Variants in TTC17 observed in about 807,000 individuals in gnomAD.
TTC17 encodes the protein tetratricopeptide repeat domain 17.
In TTC17, 58 loss-of-function variants were observed where a neutral mutation model predicts 143.8. The ratio of observed to expected loss-of-function variants is 0.40; its 90% confidence interval spans 0.33 to 0.50. The LOEUF (loss-of-function observed/expected upper bound fraction) is 0.50. Among genes scored for constraint, TTC17 ranks in the 20% least tolerant of loss-of-function variants. The probability of loss-of-function intolerance (pLI) is 0.49; values close to 1 mark genes in which losing one functional copy is unlikely to be tolerated. For missense variants in TTC17, 1,273 were observed against 1,392.5 expected (o/e 0.91, Z 1.37); for synonymous variants, 501 against 497.8 (o/e 1.01, Z -0.09).
intron 1 of TTC17, among the ~76,000 whole-genome samples, chr11:43,367,001 T>C (rs1454221996): frequency 6.6e-6 from 1 of 152,250 alleles, no homozygotes. Flanking sequence ...AGCTGTTCTA[T>C]GTGCTTCCAT....
At chr11:43,417,364 C>T (rs1222446163) in intron 16 of TTC17, among the ~76,000 whole-genome samples, 4 of 151,798 alleles carry the variant, frequency 2.6e-5, no homozygotes, top group South Asian at 2.1e-4. Flanking sequence ...TTCTGTTTGC[C>T]GTTTCCTTTT....
At chr11:43,421,872 C>G (rs750433843) in intron 16 of TTC17, among the ~76,000 whole-genome samples, 21 of 102,816 alleles carry the variant, frequency 2.0e-4, no homozygotes, top group Admixed American at 1.2e-3. Context: ...GAAAAGTTGT[C>G]TTCTACGAAA....
In TTC17 at chr11:43,358,940, G is replaced by A. The variant is rs773089565; in HGVS notation, c.-15G>A. 6 of 1,565,270 alleles carry A rather than the reference G, an allele frequency of 3.8e-6. No individual in the cohort carries two copies. The highest frequency in any genetic ancestry group is 1.8e-5 in the Admixed American group (1 of 54,778). On this transcript the variant is annotated 5_prime_UTR_variant, in exon 1 of 24. Transcript: ENST00000039989. ...CTTCCGCTTCCGGTGTGAGCGGCCC[G>A]GCCGGGGGGGCAAGATGGCGGCGGC...
chr11:43,361,706 T>C (rs565698309), intron 1 of TTC17, among the ~76,000 whole-genome samples: 3 of 152,350 alleles, frequency 2.0e-5, no homozygotes, highest in African/African-American at 7.2e-5. Context: ...GTATACTTTG[T>C]CCTGACATAC....
In TTC17 at chr11:43,493,964, GAAACC is replaced by G; in HGVS notation, c.*63_*67del. On this transcript the variant is annotated 3_prime_UTR_variant, in exon 24 of 24. Transcript: ENST00000039989. ...GCTCTAAAAAAAAAGAATAAGAAAA[GAAACC>G]AATCATTGTCAGTATCTACTATTAA... is the stretch of plus-strand genomic sequence containing the variant. The G allele has an allele frequency of 6.6e-7, 1 of 1,508,156 alleles. No homozygotes were observed. The highest frequency in any genetic ancestry group is 8.9e-7 in the Non-Finnish European group (1 of 1,127,740). The allele number at this position is 1,508,156 out of a possible 1,614,324, so 93.4% of individuals were successfully genotyped here.
At chr11:43,389,919 T>G in intron 3 of TTC17, 98 bp downstream of exon 3, 1 of 1,127,292 alleles carries the variant, frequency 8.9e-7, no homozygotes, top group Non-Finnish European at 1.3e-6. Context: ...TAAGCTTCAA[T>G]CACAGATGAG....
At chr11:43,412,063 A>G (rs888541786) in intron 15 of TTC17, among the ~76,000 whole-genome samples, 4 of 152,270 alleles carry the variant, frequency 2.6e-5, no homozygotes, top group Admixed American at 6.5e-5. Context: ...ACAAGCAAAT[A>G]TAAAAACACT....
At chr11:43,380,654 C>T (rs1156352503) in intron 2 of TTC17, among the ~76,000 whole-genome samples, 4 of 152,180 alleles carry the variant, frequency 2.6e-5, no homozygotes, top group African/African-American at 9.7e-5. Context: ...TATCAACATA[C>T]ATATGTCTAC....
At chr11:43,472,417 A>G (rs1341019984) in intron 21 of TTC17, among the ~76,000 whole-genome samples, 1 of 152,222 alleles carries the variant, frequency 6.6e-6, no homozygotes. Flanking sequence ...ATCAGATAAT[A>G]TGGAATTTAA....
At chr11:43,490,123 C>T in intron 21 of TTC17, 116 bp from the exon 22 acceptor site, 1 of 1,416,040 alleles carries the variant, frequency 7.1e-7, no homozygotes, top group Admixed American at 2.2e-5. Flanking sequence ...AGCAGAGTGC[C>T]AGCACTTAGT....
chr11:43,411,826 G>C (rs951278723), intron 15 of TTC17, among the ~76,000 whole-genome samples: 2 of 152,136 alleles, frequency 1.3e-5, no homozygotes, highest in Non-Finnish European at 2.9e-5. Flanking sequence ...AATGTAATCT[G>C]AGCTGCTTAG....
At chr11:43,466,847 C>T (rs191747389) in intron 21 of TTC17, 40 of 271,326 alleles carry the variant, frequency 1.5e-4, no homozygotes, top group African/African-American at 8.5e-4. Context: ...CAAGCAAGAT[C>T]GCCATTGCCA....
At chr11:43,366,149 A>G (rs1856333623) in intron 1 of TTC17, among the ~76,000 whole-genome samples, 1 of 151,844 alleles carries the variant, frequency 6.6e-6, no homozygotes, top group Non-Finnish European at 1.5e-5. Context: ...GTTGTCTTTA[A>G]TTCCTTAGTC....
chr11:43,489,288 G>A (rs1432658721), intron 21 of TTC17, among the ~76,000 whole-genome samples: 3 of 152,120 alleles, frequency 2.0e-5, no homozygotes, highest in African/African-American at 4.8e-5. Context: ...AACAAATATG[G>A]AAGAATGGTC....
At chr11:43,443,646 T>C (rs1316671232) in intron 17 of TTC17, 62 bp downstream of exon 17, 8 of 1,541,488 alleles carry the variant, frequency 5.2e-6, no homozygotes, top group Middle Eastern at 3.9e-4. Flanking sequence ...GATCCTAATA[T>C]GCAAAGTGGG....
intron 4 of TTC17, 92 bp downstream of exon 4, chr11:43,391,668 C>T: frequency 1.6e-6 from 2 of 1,252,074 alleles, no homozygotes; most frequent in East Asian, 2.5e-5. Flanking sequence ...TCTTTCTTCT[C>T]TCCTTCCTGA....
chr11:43,377,222 G>A (rs891957890), intron 1 of TTC17, among the ~76,000 whole-genome samples: 2 of 152,000 alleles, frequency 1.3e-5, no homozygotes, highest in African/African-American at 4.8e-5. Flanking sequence ...GAACCAGGGA[G>A]GCAGAGGTTG....
intron 18 of TTC17, chr11:43,447,458 T>G (rs1025725414): frequency 3.3e-5 from 5 of 152,494 alleles, no homozygotes; most frequent in Admixed American, 3.3e-4. Flanking sequence ...GTGTGGACAT[T>G]TGGCAATATC....
chr11:43,464,636 A>G (rs1947936582), intron 21 of TTC17, among the ~76,000 whole-genome samples: 1 of 152,218 alleles, frequency 6.6e-6, no homozygotes, highest in South Asian at 2.1e-4. Context: ...ACAATCTTAG[A>G]AAAATGGACT....
Sources: gnomAD v4.1 joint callset for allele counts (sites outside exome capture counted in the v4.1 genomes callset) on GRCh38, gnomAD v4.1.1 for gene constraint, MANE v1.5 for transcripts, NCBI Gene and HGNC (gene_info 2026-07-23, HGNC 2026-07-21) for gene names.